Variants in UBE2E2 observed in about 807,000 individuals in gnomAD.
UBE2E2 encodes ubiquitin-conjugating enzyme E2 E2.
UBE2E2 carries 6 observed loss-of-function variants against 24.7 expected under a neutral mutation model. The ratio of observed to expected loss-of-function variants is 0.24; its 90% CI spans 0.13 to 0.48. UBE2E2 has a LOEUF of 0.48. Ranked by LOEUF, UBE2E2 falls within the 20% of genes least tolerant of loss-of-function variation. The probability of loss-of-function intolerance (pLI) is 0.99; values close to 1 mark genes in which losing one functional copy is unlikely to be tolerated. For missense variants in UBE2E2, 169 were observed against 245.0 expected (o/e 0.69, Z 2.07); for synonymous variants, 104 against 83.6 (o/e 1.24, Z -1.33).
At chr3:23,556,458 A>T (rs1396349488) in intron 5 of UBE2E2, among the ~76,000 whole-genome samples, 1 of 149,698 alleles carries the variant, frequency 6.7e-6, no homozygotes, top group Non-Finnish European at 1.5e-5. Flanking sequence ...TTTATTTAAA[A>T]AAAAAAAAAA....
chr3:23,214,330 T>C (rs983425156), intron 2 of UBE2E2, among the ~76,000 whole-genome samples: 4 of 152,084 alleles, frequency 2.6e-5, no homozygotes, highest in African/African-American at 9.7e-5. Context: ...CATAGATCAC[T>C]GTGGCCTCAA....
At chr3:23,451,540 T>C (rs1698562543) in intron 3 of UBE2E2, among the ~76,000 whole-genome samples, 1 of 152,220 alleles carries the variant, frequency 6.6e-6, no homozygotes, top group Non-Finnish European at 1.5e-5. Flanking sequence ...CTATACCGTG[T>C]TATCTCTTAA....
intron 3 of UBE2E2, among the ~76,000 whole-genome samples, chr3:23,494,981 G>C (rs1052475229): frequency 2.0e-5 from 3 of 151,932 alleles, no homozygotes; most frequent in Non-Finnish European, 2.9e-5. Flanking sequence ...CACCAAGTTG[G>C]CCAGGCTGGT....
intron 3 of UBE2E2, among the ~76,000 whole-genome samples, chr3:23,428,728 A>G (rs1372657895): frequency 6.6e-6 from 1 of 151,958 alleles, no homozygotes; most frequent in African/African-American, 2.4e-5. Context: ...AATCCCAGCA[A>G]TATGGGAGGC....
intron 3 of UBE2E2, among the ~76,000 whole-genome samples, chr3:23,255,921 G>A (rs1439430486): frequency 1.3e-5 from 2 of 152,038 alleles, no homozygotes; most frequent in Non-Finnish European, 2.9e-5. Flanking sequence ...CAATGATTTT[G>A]CCTGTGAATA....
chr3:23,335,816 G>T (rs1215625798), intron 3 of UBE2E2, among the ~76,000 whole-genome samples: 1 of 152,220 alleles, frequency 6.6e-6, no homozygotes, highest in Non-Finnish European at 1.5e-5. Context: ...TTACAGGTGT[G>T]AGCCACCACG....
At position 23,412,579 on chromosome 3, in the gene UBE2E2, T is replaced by G. The variant is rs1439121960; in HGVS notation, c.228-87029T>G. Among the ~76,000 whole-genome samples the G allele has an allele frequency of 5.9e-5, 9 of 152,188 alleles. No individual in the cohort carries two copies. In the East Asian group the frequency reaches 1.7e-3, roughly 29 times the overall value. ...TTGGAATGCCAGTTCTTCAAGATGT[T>G]TGGAAAATGCAGTTCAACTCAGAAA... On this transcript the variant is annotated intron_variant, in intron 3 of 5. Coordinates refer to ENST00000396703, the MANE Select transcript of UBE2E2 (RefSeq NM_152653.4).
Position 23,320,158 on chromosome 3 carries a change from C to A in UBE2E2, c.227+102846C>A, listed in dbSNP as rs563953441. The stretch of plus-strand genomic sequence containing the variant: ...TGGGGGTTGTCATAGTCATCTTTCT[C>A]CCCTTAGTTTCTCACATTCAGTCGC... On this transcript the variant is annotated intron_variant, in intron 3 of 5. Coordinates refer to ENST00000396703, the MANE Select transcript of UBE2E2 (RefSeq NM_152653.4). 4.6e-5 allele frequency among the ~76,000 whole-genome samples: 7 copies of A among 152,280 alleles called. No homozygotes were observed. In the South Asian group the frequency reaches 1.5e-3, roughly 32 times the overall value.
intron 3 of UBE2E2, among the ~76,000 whole-genome samples, chr3:23,476,377 A>G (rs1699139447): frequency 6.6e-6 from 1 of 152,144 alleles, no homozygotes; most frequent in Non-Finnish European, 1.5e-5. Context: ...CTAAAGCACC[A>G]TTAAGAGATA....
At chr3:23,439,292 A>G (rs1698245713) in intron 3 of UBE2E2, among the ~76,000 whole-genome samples, 2 of 152,172 alleles carry the variant, frequency 1.3e-5, no homozygotes, top group Admixed American at 1.3e-4. Context: ...TTCCTTCCTG[A>G]CTGGCCATCA....
chr3:23,432,479 A>G (rs562128467), intron 3 of UBE2E2, among the ~76,000 whole-genome samples: 10 of 152,190 alleles, frequency 6.6e-5, no homozygotes, highest in Admixed American at 3.3e-4. Flanking sequence ...TAATATTTTT[A>G]ATATTCAGAA....
chr3:23,466,589 A>G (rs1400056735), intron 3 of UBE2E2, among the ~76,000 whole-genome samples: 1 of 151,382 alleles, frequency 6.6e-6, no homozygotes, highest in Non-Finnish European at 1.5e-5. Context: ...TGTTTTTGAG[A>G]CAGAGTCTCA....
At chr3:23,273,485 T>TG (rs1201941321) in intron 3 of UBE2E2, among the ~76,000 whole-genome samples, 2 of 150,298 alleles carry the variant, frequency 1.3e-5, no homozygotes, top group Non-Finnish European at 2.9e-5. Context: ...GAGCCGAGAT[T>TG]GCGCCACTGC....
At chr3:23,209,905 T>G (rs928429712) in intron 2 of UBE2E2, among the ~76,000 whole-genome samples, 27 of 152,068 alleles carry the variant, frequency 1.8e-4, no homozygotes. Context: ...CTGATCTCTG[T>G]TGAAGGAGCT....
At chr3:23,259,048 T>C (rs1246069702) in intron 3 of UBE2E2, among the ~76,000 whole-genome samples, 2 of 152,098 alleles carry the variant, frequency 1.3e-5, no homozygotes, top group East Asian at 3.9e-4. Context: ...AGATAACCAA[T>C]TTTATACAGG....
chr3:23,575,310 C>T (rs1348878725), intron 5 of UBE2E2, among the ~76,000 whole-genome samples: 1 of 152,114 alleles, frequency 6.6e-6, no homozygotes, highest in Admixed American at 6.6e-5. Flanking sequence ...GTGATAATAA[C>T]CTATATGATC....
At chr3:23,427,404 T>TA (rs532155261) in intron 3 of UBE2E2, among the ~76,000 whole-genome samples, 3 of 151,458 alleles carry the variant, frequency 2.0e-5, no homozygotes, top group Admixed American at 6.6e-5. Context: ...CTCTCCAACC[T>TA]AAAAAAAAGT....
At position 23,589,955 on chromosome 3, in the gene UBE2E2, T is replaced by C. The variant is rs1696723827; in HGVS notation, c.*124T>C. 1 of 868,332 alleles carries C rather than the reference T, an allele frequency of 1.2e-6. No homozygotes were observed. The highest frequency in any genetic ancestry group is 2.7e-5 in the East Asian group (1 of 36,840). 53.8% of individuals were successfully genotyped at this position (868,332 alleles called of 1,614,324 possible). A position where few individuals can be genotyped will look rare whatever the true frequency, so the allele number is the denominator to read the frequency against. On this transcript the variant is annotated 3_prime_UTR_variant, in exon 6 of 6. Coordinates refer to ENST00000396703, the MANE Select transcript of UBE2E2 (RefSeq NM_152653.4). The surrounding 1 kb of genome is among the most constrained non-coding windows in gnomAD (Gnocchi z 4.1). ...TATTTTTATTAAATTTGGAACCATT[T>C]TGTGATGGTATGTTGTCCATCTTCC...
chr3:23,548,848 G>A (rs1695578633), intron 5 of UBE2E2, among the ~76,000 whole-genome samples: 1 of 152,064 alleles, frequency 6.6e-6, no homozygotes, highest in African/African-American at 2.4e-5. Flanking sequence ...CTGTCTGTTA[G>A]ACCAATATAT....
Sources: allele counts gnomAD v4.1 joint callset (sites outside exome capture counted in the v4.1 genomes callset), GRCh38; gene constraint gnomAD v4.1.1; non-coding constraint Gnocchi (gnomAD v3.1); transcripts MANE v1.5; gene names NCBI Gene and HGNC (gene_info 2026-07-23, HGNC 2026-07-21).